PPM1L: variants seen among roughly 807,000 people sequenced by gnomAD.
PPM1L encodes protein phosphatase 1L.
In PPM1L, 13 loss-of-function variants were observed where a neutral mutation model predicts 31.4. The ratio of observed to expected loss-of-function variants is 0.41; its 90% CI spans 0.27 to 0.66. PPM1L has a LOEUF of 0.66. Ranked by LOEUF, PPM1L falls within the 30% of genes least tolerant of loss-of-function variation. The pLI is 0.29. For missense variants in PPM1L, 326 were observed against 453.7 expected (o/e 0.72, Z 2.56); for synonymous variants, 184 against 175.4 (o/e 1.05, Z -0.39).
At chr3:161,026,967 G>A (rs535581672) in intron 2 of PPM1L, among the ~76,000 whole-genome samples, 1 of 152,330 alleles carries the variant, frequency 6.6e-6, no homozygotes, top group South Asian at 2.1e-4. Context: ...GGAATCTGGT[G>A]TCAAATTCTG....
chr3:160,996,249 A>G (rs1478749256), intron 2 of PPM1L, among the ~76,000 whole-genome samples: 1 of 152,200 alleles, frequency 6.6e-6, no homozygotes, highest in Non-Finnish European at 1.5e-5. Context: ...TAAAGAACTA[A>G]AAGTAGAGCT....
chr3:160,951,707 C>T (rs780213099), intron 1 of PPM1L, among the ~76,000 whole-genome samples: 1 of 152,086 alleles, frequency 6.6e-6, no homozygotes, highest in African/African-American at 2.4e-5. Flanking sequence ...ATTTGAGGTT[C>T]GTCACATTAG....
chr3:160,756,376 C>T lies in PPM1L; in HGVS notation c.68C>T (p.Pro23Leu). 6.2e-7 allele frequency: 1 copy of T among 1,614,190 alleles called. No individual in the cohort carries two copies. Among genetic ancestry groups the T allele is most frequent in the Non-Finnish European group, 8.5e-7 (1 of 1,180,026 alleles). ...GRIMRYFLLR[P>L]ETLFLLCISL... ...ATCATGCGCTACTTCTTGCTGAGAC[C>T]CGAGACGCTTTTCCTGCTGTGCATC... The change falls in exon 1 of 4, where the codon CCC (proline) becomes CTC (leucine). Residue 23 changes from proline to leucine, a missense_variant. Pro to Leu is a moderately conservative substitution (Grantham distance 98, BLOSUM62 -3). Transcript: ENST00000498165. The surrounding 1 kb of genome is among the most constrained non-coding windows in gnomAD (Gnocchi z 6.2).
intron 1 of PPM1L, among the ~76,000 whole-genome samples, chr3:160,812,259 T>C (rs1712836553): frequency 6.6e-6 from 1 of 152,224 alleles, no homozygotes; most frequent in Non-Finnish European, 1.5e-5. Context: ...TTCTTAAATA[T>C]AATTGTGCAT....
intron 2 of PPM1L, among the ~76,000 whole-genome samples, chr3:161,046,338 G>GA (rs1019157084): frequency 3.3e-5 from 5 of 152,134 alleles, no homozygotes; most frequent in South Asian, 2.1e-4. Context: ...AGAAAATCTA[G>GA]AAAAAATTGA....
At chr3:160,854,879 CAAAAA>C (rs33923660) in intron 1 of PPM1L, among the ~76,000 whole-genome samples, 1 of 95,626 alleles carries the variant, frequency 1.0e-5, no homozygotes. Flanking sequence ...CATGTGGAAC[CAAAAA>C]AAAAAAAAAA....
chr3:160,762,650 T>C (rs1210587271), intron 1 of PPM1L, among the ~76,000 whole-genome samples: 2 of 152,126 alleles, frequency 1.3e-5, no homozygotes, highest in Non-Finnish European at 2.9e-5. Flanking sequence ...TTTTGGATAA[T>C]TTTGAAGAGG....
intron 1 of PPM1L, among the ~76,000 whole-genome samples, chr3:160,826,885 C>T (rs1382415278): frequency 6.6e-6 from 1 of 151,844 alleles, no homozygotes; most frequent in Non-Finnish European, 1.5e-5. Flanking sequence ...GATGAAGAGG[C>T]TGTAGGTCTG....
intron 1 of PPM1L, among the ~76,000 whole-genome samples, chr3:160,961,448 C>T (rs999564201): frequency 1.3e-5 from 2 of 152,258 alleles, no homozygotes; most frequent in Non-Finnish European, 2.9e-5. Flanking sequence ...GCCTTCAGTT[C>T]ACTATAATAG....
intron 2 of PPM1L, among the ~76,000 whole-genome samples, chr3:160,992,953 T>C (rs1360448393): frequency 2.6e-5 from 4 of 152,180 alleles, no homozygotes; most frequent in Non-Finnish European, 4.4e-5. Context: ...AAATAACTGC[T>C]TTAAGGAGCC....
At chr3:161,051,430 A>G (rs1244467560) in intron 2 of PPM1L, among the ~76,000 whole-genome samples, 1 of 152,136 alleles carries the variant, frequency 6.6e-6, no homozygotes, top group Non-Finnish European at 1.5e-5. Flanking sequence ...ATTATTAAAT[A>G]CAGGAGATAG....
chr3:160,964,345 ATTC>A (rs987610224), intron 2 of PPM1L, among the ~76,000 whole-genome samples: 1 of 152,108 alleles, frequency 6.6e-6, no homozygotes, highest in Non-Finnish European at 1.5e-5. Flanking sequence ...TTTATACTGT[ATTC>A]TTAAGACTAA....
chr3:160,952,812 GT>G (rs1215637116), intron 1 of PPM1L, among the ~76,000 whole-genome samples: 3 of 152,116 alleles, frequency 2.0e-5, no homozygotes. Flanking sequence ...AGCCCTGTGT[GT>G]TTTTTAGGCA....
At chr3:161,037,712 G>C (rs990657562) in intron 2 of PPM1L, among the ~76,000 whole-genome samples, 1 of 150,500 alleles carries the variant, frequency 6.6e-6, no homozygotes. Flanking sequence ...GATTACGGGC[G>C]TGAGCCACTG....
intron 1 of PPM1L, among the ~76,000 whole-genome samples, chr3:160,829,346 A>C (rs1713448986): frequency 6.6e-6 from 1 of 152,168 alleles, no homozygotes; most frequent in Admixed American, 6.6e-5. Context: ...ACAAGGGAGC[A>C]CAACTGGCAT....
intron 2 of PPM1L, among the ~76,000 whole-genome samples, chr3:161,059,143 A>C (rs1719502224): frequency 6.6e-6 from 1 of 152,202 alleles, no homozygotes. Flanking sequence ...TATTGAGTTC[A>C]GAAGTGGACA....
At position 160,818,352 on chromosome 3, in the gene PPM1L, G is replaced by T. The variant is rs73875403; in HGVS notation, c.399+61645G>T. Among the ~76,000 whole-genome samples the T allele has an allele frequency of 9.9e-3, 1,507 of 152,108 alleles. 22 individuals carry two copies. Among genetic ancestry groups the T allele is most frequent in the African/African-American group, 0.031 (1,294 of 41,526 alleles). On this transcript the variant is annotated intron_variant, in intron 1 of 3. Coordinates refer to ENST00000498165, the MANE Select transcript of PPM1L (RefSeq NM_139245.4). ...AAATTAGCACCTTACTCAGATTGCT[G>T]GGACACAGTATTTGTTTGAAAGCCT...
At chr3:161,044,003 C>T (rs57649180) in intron 2 of PPM1L, among the ~76,000 whole-genome samples, 4,482 of 152,178 alleles carry the variant, frequency 0.029, 147 homozygotes, top group African/African-American at 0.085. Flanking sequence ...GTATGCTGTA[C>T]CAGAAAGATT....
intron 1 of PPM1L, among the ~76,000 whole-genome samples, chr3:160,901,615 C>A (rs769326921): frequency 3.3e-5 from 5 of 152,136 alleles, no homozygotes; most frequent in African/African-American, 1.2e-4. Context: ...CTTCCTCCCC[C>A]ACTTACTTCA....
Sources: gnomAD v4.1 joint callset for allele counts (sites outside exome capture counted in the v4.1 genomes callset) on GRCh38, gnomAD v4.1.1 for gene constraint, Gnocchi (gnomAD v3.1) non-coding constraint, MANE v1.5 for transcripts, NCBI Gene and HGNC (gene_info 2026-07-23, HGNC 2026-07-21) for gene names.